Variants in PCSK6 observed in about 807,000 individuals in gnomAD.
PCSK6 encodes the protein proprotein convertase subtilisin/kexin type 6.
Under a neutral mutation model 123.3 loss-of-function variants are expected in PCSK6, and 85 were observed. The observed-to-expected ratio is 0.69, with a 90% CI of 0.58 to 0.83. PCSK6 has a LOEUF of 0.83. Among genes scored for constraint, PCSK6 ranks in the 40% least tolerant of loss-of-function variants. The pLI is 0.00. For synonymous variants in PCSK6, 508 were observed against 516.0 expected (o/e 0.98, Z 0.21); for missense variants, 1,191 against 1,282.3 (o/e 0.93, Z 1.09).
At chr15:101,359,802 T>C (rs2041158283) in intron 13 of PCSK6, among the ~76,000 whole-genome samples, 2 of 152,254 alleles carry the variant, frequency 1.3e-5, no homozygotes, top group Non-Finnish European at 2.9e-5. Context: ...ATCACTGTTA[T>C]ATAAACAGAT....
At chr15:101,425,938 A>G (rs2056241224) in intron 6 of PCSK6, among the ~76,000 whole-genome samples, 2 of 152,136 alleles carry the variant, frequency 1.3e-5, no homozygotes, top group Admixed American at 1.3e-4. Flanking sequence ...CCTCTAAACC[A>G]GCGCTTCTCA....
intron 12 of PCSK6, among the ~76,000 whole-genome samples, chr15:101,367,047 G>C (rs560758820): frequency 1.3e-5 from 2 of 152,132 alleles, no homozygotes; most frequent in East Asian, 1.9e-4. Flanking sequence ...CGTGGAGAGC[G>C]GGGGGAGGAG....
intron 13 of PCSK6, chr15:101,347,343 T>A (rs1031595787): frequency 8.1e-6 from 10 of 1,239,286 alleles, no homozygotes; most frequent in Non-Finnish European, 9.1e-6. Flanking sequence ...TGAGAACAGT[T>A]ATGCTCTTGG....
chr15:101,420,849 CTG>C (rs2056061607), intron 6 of PCSK6, among the ~76,000 whole-genome samples: 1 of 152,248 alleles, frequency 6.6e-6, no homozygotes. Context: ...GCACATGCCT[CTG>C]TGGATTCCTG....
At chr15:101,349,613 G>C (rs2040839602) in intron 13 of PCSK6, among the ~76,000 whole-genome samples, 1 of 152,152 alleles carries the variant, frequency 6.6e-6, no homozygotes, top group Non-Finnish European at 1.5e-5. Flanking sequence ...GGGGAGAGGA[G>C]CCTGGGCTTC....
At chr15:101,362,656 G>A (rs990134440) in intron 13 of PCSK6, among the ~76,000 whole-genome samples, 5 of 152,146 alleles carry the variant, frequency 3.3e-5, no homozygotes, top group Non-Finnish European at 5.9e-5. Flanking sequence ...CCCTGCTCTC[G>A]GTATCCAGCC....
chr15:101,461,086 T>C (rs1286473946), intron 1 of PCSK6, among the ~76,000 whole-genome samples: 1 of 152,130 alleles, frequency 6.6e-6, no homozygotes, highest in Non-Finnish European at 1.5e-5. Flanking sequence ...TGCAGTTCTT[T>C]AAAAATCTGG....
At chr15:101,417,647 ATTAT>A (rs139746845) in intron 6 of PCSK6, among the ~76,000 whole-genome samples, 6 of 152,288 alleles carry the variant, frequency 3.9e-5, no homozygotes, top group South Asian at 2.1e-4. Context: ...AGAATGTATG[ATTAT>A]TTATTTATTT....
chr15:101,366,796 T>C (rs1303715984), intron 12 of PCSK6, among the ~76,000 whole-genome samples: 1 of 152,144 alleles, frequency 6.6e-6, no homozygotes, highest in Non-Finnish European at 1.5e-5. Context: ...CAGAGAGTGC[T>C]CACTAAGGAC....
At chr15:101,476,939 G>A (rs1437504305) in intron 1 of PCSK6, among the ~76,000 whole-genome samples, 2 of 152,278 alleles carry the variant, frequency 1.3e-5, no homozygotes, top group South Asian at 2.1e-4. Context: ...GGGATGAGAC[G>A]CCATAACCAG....
chr15:101,451,681 C>T (rs939815716), intron 1 of PCSK6, among the ~76,000 whole-genome samples: 2 of 152,192 alleles, frequency 1.3e-5, no homozygotes, highest in African/African-American at 2.4e-5. Flanking sequence ...TCTTCAGGGC[C>T]GGCATCTGCC....
intron 1 of PCSK6, among the ~76,000 whole-genome samples, chr15:101,476,015 C>A (rs1433084735): frequency 7.9e-5 from 12 of 152,204 alleles, no homozygotes; most frequent in Admixed American, 7.2e-4. Flanking sequence ...TACATTGACT[C>A]AGCAGGTCCC....
At chr15:101,352,651 C>A (rs2141414243) in intron 13 of PCSK6, among the ~76,000 whole-genome samples, 1 of 152,314 alleles carries the variant, frequency 6.6e-6, no homozygotes, top group South Asian at 2.1e-4. Context: ...TATTCCAGCA[C>A]CAGTGCCAGA....
At chr15:101,467,404 T>C (rs1166038509) in intron 1 of PCSK6, among the ~76,000 whole-genome samples, 1 of 151,984 alleles carries the variant, frequency 6.6e-6, no homozygotes, top group Non-Finnish European at 1.5e-5. Context: ...CCCGAGTAGC[T>C]GGGACTACGA....
At chr15:101,326,219 C>T (rs1258688769) in intron 16 of PCSK6, among the ~76,000 whole-genome samples, 158 bp downstream of exon 16, 1 of 152,272 alleles carries the variant, frequency 6.6e-6, no homozygotes, top group Non-Finnish European at 1.5e-5. Context: ...TGCCAAGTTA[C>T]TAAAAATTTA....
At chr15:101,461,652 AT>A (rs547658259) in intron 1 of PCSK6, among the ~76,000 whole-genome samples, 8 of 152,238 alleles carry the variant, frequency 5.3e-5, no homozygotes, top group Non-Finnish European at 1.2e-4. Context: ...TGCCATGACC[AT>A]GGTGAGTTTA....
At chr15:101,396,723 T>C (rs1227885682) in intron 7 of PCSK6, among the ~76,000 whole-genome samples, 1 of 151,996 alleles carries the variant, frequency 6.6e-6, no homozygotes, top group Non-Finnish European at 1.5e-5. Flanking sequence ...GCTTAGGTGC[T>C]CAGCAGCCTC....
Position 101,393,233 on chromosome 15 carries a change from C to T in PCSK6, c.1188G>A (p.Gly396=). ...TTACGATTTTTCGCTCATAAAAGGC[C>T]CCACTGCTGTAGGTGGTGGCCAGGG... ...ASTLATTYSS[G]AFYERKIVTT... The change falls in exon 8 of 22, where the codon GGG becomes GGA. Residue 396 remains glycine (G), a synonymous_variant. Transcript: ENST00000611716. 1 of 1,613,532 alleles carries T rather than the reference C, an allele frequency of 6.2e-7. No homozygotes were observed. Among genetic ancestry groups the T allele is most frequent in the Middle Eastern group, 1.6e-4 (1 of 6,062 alleles).
In PCSK6 at chr15:101,463,408, C is replaced by T. The variant is rs1395038965; in HGVS notation, c.298-19748G>A. On this transcript the variant is annotated intron_variant, in intron 1 of 21. Transcript: ENST00000611716. Reference sequence around the variant, plus strand: ...GCCATCAACATTCCCTCCCCTCTTCCTTTGGGGCCAAGCGTTGCAACAATT... The same window carrying T: ...GCCATCAACATTCCCTCCCCTCTTCTTTTGGGGCCAAGCGTTGCAACAATT... 2.0e-5 allele frequency among the ~76,000 whole-genome samples: 3 copies of T among 152,152 alleles called. No homozygotes were observed. The East Asian group carries it at 5.8e-4, about 29-fold the overall frequency.
Sources: allele counts gnomAD v4.1 joint callset (sites outside exome capture counted in the v4.1 genomes callset), GRCh38; gene constraint gnomAD v4.1.1; transcripts MANE v1.5; gene names NCBI Gene and HGNC (gene_info 2026-07-23, HGNC 2026-07-21).